Variants in PCDH19 observed in about 807,000 individuals in gnomAD.
The protein encoded by PCDH19 is protocadherin-19.
In PCDH19, 6 loss-of-function variants were observed where a neutral mutation model predicts 46.2. That is an observed-to-expected ratio of 0.13 (90% confidence interval 0.07 to 0.26). The LOEUF (loss-of-function observed/expected upper bound fraction) is 0.26, where lower values mean the gene tolerates loss of function less well. PCDH19 is among the 10% of genes least tolerant of loss of function. The pLI is 1.00. For missense variants in PCDH19, 740 were observed against 972.3 expected (o/e 0.76, Z 3.18); for synonymous variants, 481 against 415.7 (o/e 1.16, Z -1.91).
At chrX:100,346,167 G>A (rs1926391825) in intron 4 of PCDH19, among the ~76,000 whole-genome samples, 1 of 111,766 alleles carries the variant, frequency 8.9e-6, no homozygotes. Flanking sequence ...ACAGGGTTCT[G>A]CACAGAAGAG....
rs1035546814 is a variant in PCDH19 at position 100,315,727 on chromosome X, T to C, written c.2849-18852A>G. On this transcript the variant is annotated intron_variant, in intron 5 of 5. Coordinates refer to ENST00000373034, the MANE Select transcript of PCDH19 (RefSeq NM_001184880.2). ...TACAAGCCATGTGTTTCCTTTTTAG[T>C]TGCAGTAATTCCTGTGCTATTATGG... Among the ~76,000 whole-genome samples the C allele has an allele frequency of 9.8e-5, 11 of 112,764 alleles. No homozygotes were observed. The Admixed American group carries it at 1.0e-3, about 11-fold the overall frequency.
intron 3 of PCDH19, among the ~76,000 whole-genome samples, chrX:100,396,876 G>A (rs1259319309): frequency 8.9e-6 from 1 of 111,997 alleles, no homozygotes; most frequent in African/African-American, 3.3e-5. Flanking sequence ...GAGAATGCTC[G>A]AAAAGATGTG....
At chrX:100,326,593 G>A (rs1418035915) in intron 5 of PCDH19, among the ~76,000 whole-genome samples, 1 of 111,222 alleles carries the variant, frequency 9.0e-6, no homozygotes, top group Non-Finnish European at 1.9e-5. Context: ...TTGATACAGG[G>A]AGGGCAAAGT....
intron 5 of PCDH19, among the ~76,000 whole-genome samples, chrX:100,310,395 A>G (rs1244037733): frequency 9.0e-6 from 1 of 111,068 alleles, no homozygotes; most frequent in Non-Finnish European, 1.9e-5. Context: ...TGGAAAATTG[A>G]GACTAAGAAA....
At chrX:100,299,000 T>C (rs753299127) in intron 5 of PCDH19, among the ~76,000 whole-genome samples, 1 of 111,482 alleles carries the variant, frequency 9.0e-6, no homozygotes, top group East Asian at 2.8e-4. Flanking sequence ...AAATAATACC[T>C]CTAAAAAATT....
intron 3 of PCDH19, among the ~76,000 whole-genome samples, chrX:100,401,777 C>T (rs1054359804): frequency 3.4e-4 from 37 of 109,765 alleles, no homozygotes; most frequent in Non-Finnish European, 5.7e-5. Context: ...TTGTTAGAGA[C>T]GAAGTCTCAC....
intron 3 of PCDH19, among the ~76,000 whole-genome samples, chrX:100,383,462 C>A (rs1927618410): frequency 8.9e-6 from 1 of 111,977 alleles, no homozygotes; most frequent in African/African-American, 3.2e-5. Context: ...GCCAGCTTTG[C>A]CTGATTAGAA....
At chrX:100,361,324 T>G (rs1443384097) in intron 3 of PCDH19, among the ~76,000 whole-genome samples, 1 of 111,919 alleles carries the variant, frequency 8.9e-6, no homozygotes, top group Non-Finnish European at 1.9e-5. Context: ...GCATAAAAGA[T>G]TGCAAAAGAG....
At chrX:100,339,509 T>A (rs1926190912) in intron 5 of PCDH19, among the ~76,000 whole-genome samples, 1 of 112,551 alleles carries the variant, frequency 8.9e-6, no homozygotes, top group South Asian at 3.7e-4. Context: ...TAAGATAAAA[T>A]GTGATATACT....
chrX:100,321,548 G>T (rs1022974409), intron 5 of PCDH19, among the ~76,000 whole-genome samples: 3 of 111,266 alleles, frequency 2.7e-5, no homozygotes, highest in Non-Finnish European at 5.7e-5. Flanking sequence ...TCATATGTTT[G>T]TTGGCCATTT....
At chrX:100,405,545 A>C (rs1602634518) in intron 1 of PCDH19, among the ~76,000 whole-genome samples, 14 of 83,157 alleles carry the variant, frequency 1.7e-4, no homozygotes, top group African/African-American at 2.4e-4. Context: ...TCCCCCTTCT[A>C]TCCCTCTCTC....
intron 5 of PCDH19, among the ~76,000 whole-genome samples, chrX:100,316,157 T>C (rs1925299898): frequency 1.8e-5 from 2 of 112,412 alleles, no homozygotes; most frequent in African/African-American, 3.2e-5. Flanking sequence ...ACACTTTCCA[T>C]ATGATTCAAA....
Position 100,409,434 on chromosome X carries a change from C to G in PCDH19, c.-837G>C, listed in dbSNP as rs983389293. 8 of 113,871 alleles carry G rather than the reference C, an allele frequency of 7.0e-5. No homozygotes were observed. Among genetic ancestry groups the G allele is most frequent in the African/African-American group, 2.6e-4 (8 of 30,910 alleles). The allele number at this position is 113,871 out of a possible 1,213,427, so 9.4% of individuals were successfully genotyped here. A position where few individuals can be genotyped will look rare whatever the true frequency, so the allele number is the denominator to read the frequency against. On this transcript the variant is annotated 5_prime_UTR_variant, in exon 1 of 6. Coordinates refer to ENST00000373034, the MANE Select transcript of PCDH19 (RefSeq NM_001184880.2). ...AGGATCCGAGGTGGGAGCGGAGTTCCCCCCACAGAGCAGTTGAGGGTCTGC... is the reference window on the plus strand; with the variant it reads ...AGGATCCGAGGTGGGAGCGGAGTTCGCCCCACAGAGCAGTTGAGGGTCTGC...
intron 3 of PCDH19, among the ~76,000 whole-genome samples, chrX:100,394,629 G>A (rs1356672313): frequency 8.9e-6 from 1 of 112,025 alleles, no homozygotes; most frequent in Non-Finnish European, 1.9e-5. Context: ...GATGGCAGCT[G>A]TCATATTTTA....
chrX:100,350,234 A>G (rs1437611557), intron 4 of PCDH19, among the ~76,000 whole-genome samples: 2 of 112,072 alleles, frequency 1.8e-5, no homozygotes, highest in Non-Finnish European at 3.8e-5. Context: ...TGGTATCAAC[A>G]TGATTGTGAA....
At chrX:100,325,834 T>C (rs1476684546) in intron 5 of PCDH19, among the ~76,000 whole-genome samples, 1 of 112,248 alleles carries the variant, frequency 8.9e-6, no homozygotes, top group African/African-American at 3.2e-5. Context: ...TGCTTGCCTC[T>C]GTGTTATAAG....
chrX:100,388,721 T>C (rs1208962128), intron 3 of PCDH19, among the ~76,000 whole-genome samples: 1 of 110,972 alleles, frequency 9.0e-6, no homozygotes, highest in African/African-American at 3.3e-5. Flanking sequence ...AACCACACTC[T>C]TGCCATCACT....
chrX:100,334,969 T>C (rs1235100381), intron 5 of PCDH19, among the ~76,000 whole-genome samples: 1 of 111,033 alleles, frequency 9.0e-6, no homozygotes, highest in African/African-American at 3.3e-5. Flanking sequence ...AAACGGTTGA[T>C]ATTATTCTTA....
intron 5 of PCDH19, among the ~76,000 whole-genome samples, chrX:100,331,469 T>C (rs748429554): frequency 1.3e-4 from 14 of 111,856 alleles, no homozygotes; most frequent in South Asian, 7.6e-4. Context: ...CTGTGTGTGA[T>C]CCCCTAAAAA....
Sources: allele counts gnomAD v4.1 joint callset (sites outside exome capture counted in the v4.1 genomes callset), GRCh38; gene constraint gnomAD v4.1.1; transcripts MANE v1.5; gene names NCBI Gene and HGNC (gene_info 2026-07-23, HGNC 2026-07-21).